The following PEX5L variants were observed in gnomAD, a reference collection of about 807,000 sequenced individuals.
PEX5L encodes peroxisomal biogenesis factor 5 like.
In PEX5L, 30 loss-of-function variants were observed where a neutral mutation model predicts 84.0. The ratio of observed to expected loss-of-function variants is 0.36; its 90% CI spans 0.27 to 0.48. The LOEUF (loss-of-function observed/expected upper bound fraction) is 0.48. Ranked by LOEUF, PEX5L falls within the 20% of genes least tolerant of loss-of-function variation. The pLI is 0.99. For missense variants in PEX5L, 533 were observed against 754.6 expected (o/e 0.71, Z 3.44); for synonymous variants, 270 against 283.1 (o/e 0.95, Z 0.46).
intron 2 of PEX5L, among the ~76,000 whole-genome samples, chr3:179,925,108 G>A (rs1199786682): frequency 2.0e-5 from 3 of 152,164 alleles, no homozygotes; most frequent in Non-Finnish European, 2.9e-5. Context: ...GTTGCTCAGA[G>A]GCCAGTGGAA....
chr3:179,996,467 C>A (rs551355609), intron 1 of PEX5L, among the ~76,000 whole-genome samples: 3 of 152,062 alleles, frequency 2.0e-5, no homozygotes, highest in South Asian at 4.1e-4. Flanking sequence ...TGGCCCACTG[C>A]GAGTGAGCTG....
intron 3 of PEX5L, among the ~76,000 whole-genome samples, chr3:179,890,897 C>G (rs978018406): frequency 2.6e-5 from 4 of 151,204 alleles, no homozygotes; most frequent in African/African-American, 9.8e-5. Context: ...AAATGGAAAG[C>G]AAAGGAAAAG....
In PEX5L at chr3:179,801,815, T is replaced by C. The variant is rs1298768142; in HGVS notation, c.*13A>G. On this transcript the variant is annotated 3_prime_UTR_variant, in exon 15 of 15. Coordinates refer to ENST00000467460, the MANE Select transcript of PEX5L (RefSeq NM_016559.3). Reference sequence around the variant, plus strand: ...ACAGATCAGGGATTATTAGTACTGGTATTATTCTTTCTTCAAGGATCCAAG... The same window carrying C: ...ACAGATCAGGGATTATTAGTACTGGCATTATTCTTTCTTCAAGGATCCAAG... 1.4e-6 allele frequency: 2 copies of C among 1,471,942 alleles called. No individual in the cohort carries two copies. The highest frequency in any genetic ancestry group is 1.1e-5 in the South Asian group (1 of 88,336). The allele number at this position is 1,471,942 out of a possible 1,614,324, so 91.2% of individuals were successfully genotyped here.
chr3:179,856,690 A>G (rs569577029), intron 8 of PEX5L, among the ~76,000 whole-genome samples: 1 of 152,320 alleles, frequency 6.6e-6, no homozygotes, highest in Admixed American at 6.5e-5. Flanking sequence ...TTCCCCACGC[A>G]TTCACACACT....
At chr3:179,950,042 T>C (rs1376500764) in intron 2 of PEX5L, among the ~76,000 whole-genome samples, 1 of 152,150 alleles carries the variant, frequency 6.6e-6, no homozygotes, top group Non-Finnish European at 1.5e-5. Flanking sequence ...GACCGGCCTA[T>C]TGGTACTGTG....
intron 7 of PEX5L, among the ~76,000 whole-genome samples, chr3:179,860,974 G>A (rs552094789): frequency 6.6e-4 from 100 of 152,350 alleles, no homozygotes; most frequent in African/African-American, 2.0e-3. Flanking sequence ...CTGGGGGGCC[G>A]TTGCATAGGT....
chr3:179,837,790 T>C (rs903031411), intron 8 of PEX5L, among the ~76,000 whole-genome samples: 1 of 152,224 alleles, frequency 6.6e-6, no homozygotes, highest in Non-Finnish European at 1.5e-5. Context: ...ATACGTTGGG[T>C]ATTGTCAAAA....
At chr3:179,815,643 C>T (rs1725781963) in intron 10 of PEX5L, among the ~76,000 whole-genome samples, 1 of 152,156 alleles carries the variant, frequency 6.6e-6, no homozygotes, top group East Asian at 1.9e-4. Context: ...CTTTTCCTGC[C>T]CCCAATCTTT....
chr3:179,933,891 C>G (rs970938245), intron 2 of PEX5L, among the ~76,000 whole-genome samples: 1 of 152,192 alleles, frequency 6.6e-6, no homozygotes, highest in Admixed American at 6.5e-5. Flanking sequence ...AGTAGCACTG[C>G]TTTAGATTGC....
chr3:179,905,376 C>T (rs944197105), intron 2 of PEX5L, among the ~76,000 whole-genome samples: 5 of 151,916 alleles, frequency 3.3e-5, no homozygotes, highest in African/African-American at 1.2e-4. Context: ...AGGTTCAAGC[C>T]ATTCTCCTGC....
At chr3:179,832,125 G>A (rs1733245065) in intron 8 of PEX5L, among the ~76,000 whole-genome samples, 2 of 152,134 alleles carry the variant, frequency 1.3e-5, no homozygotes, top group South Asian at 2.1e-4. Flanking sequence ...GACTAGGGTA[G>A]GGTGCTGGCA....
At chr3:179,811,721 G>C (rs1382185763) in intron 11 of PEX5L, 80 bp downstream of exon 11, 4 of 1,053,550 alleles carry the variant, frequency 3.8e-6, no homozygotes, top group Non-Finnish European at 4.5e-6. Flanking sequence ...CTTCAGTAAA[G>C]ATCAAAAGAC....
intron 2 of PEX5L, among the ~76,000 whole-genome samples, chr3:179,902,259 A>G (rs531517663): frequency 2.0e-4 from 30 of 152,192 alleles, no homozygotes; most frequent in Non-Finnish European, 3.8e-4. Context: ...CCTGTTTTCC[A>G]GGCTTTTCTG....
At chr3:179,836,438 G>A (rs535875038) in intron 8 of PEX5L, among the ~76,000 whole-genome samples, 17 of 152,170 alleles carry the variant, frequency 1.1e-4, no homozygotes, top group Admixed American at 9.8e-4. Flanking sequence ...AGGCCCAAGA[G>A]ACCAAATCAA....
At chr3:179,856,562 G>A (rs1484016730) in intron 8 of PEX5L, among the ~76,000 whole-genome samples, 2 of 152,172 alleles carry the variant, frequency 1.3e-5, no homozygotes, top group Non-Finnish European at 2.9e-5. Flanking sequence ...ATATTATTAT[G>A]TCTTCCGCTA....
intron 2 of PEX5L, among the ~76,000 whole-genome samples, chr3:179,969,615 C>A (rs1429320430): frequency 6.6e-6 from 1 of 152,036 alleles, no homozygotes; most frequent in Admixed American, 6.6e-5. Flanking sequence ...AACATCAACA[C>A]CAAATAAATC....
intron 2 of PEX5L, among the ~76,000 whole-genome samples, chr3:179,931,476 G>A (rs990780152): frequency 6.6e-6 from 1 of 152,114 alleles, no homozygotes. Flanking sequence ...TTTCGAAATA[G>A]CTTTTTGCAA....
chr3:179,896,184 A>C (rs981785249), intron 3 of PEX5L: 1 of 152,182 alleles, frequency 6.6e-6, no homozygotes, highest in Non-Finnish European at 1.5e-5. Flanking sequence ...TGGAAAAAGT[A>C]TATCAACTAA....
intron 2 of PEX5L, among the ~76,000 whole-genome samples, chr3:179,948,925 A>G (rs1778338043): frequency 6.6e-6 from 1 of 152,204 alleles, no homozygotes; most frequent in South Asian, 2.1e-4. Context: ...AGCAATCAGT[A>G]TATCTACATT....
Sources: gnomAD v4.1 joint callset for allele counts (sites outside exome capture counted in the v4.1 genomes callset) on GRCh38, gnomAD v4.1.1 for gene constraint, MANE v1.5 for transcripts, NCBI Gene and HGNC (gene_info 2026-07-23, HGNC 2026-07-21) for gene names.